RETREG3: variants seen among roughly 807,000 people sequenced by gnomAD.
RETREG3 encodes reticulophagy regulator 3.
In RETREG3, 23 loss-of-function variants were observed where a neutral mutation model predicts 50.2. The ratio of observed to expected loss-of-function variants is 0.46; its 90% CI spans 0.33 to 0.65. The LOEUF (loss-of-function observed/expected upper bound fraction) is 0.65. Ranked by LOEUF, RETREG3 falls within the 30% of genes least tolerant of loss-of-function variation. The pLI is 0.02. For synonymous variants in RETREG3, 240 were observed against 234.4 expected, an observed-to-expected ratio of 1.02 and a Z score of -0.22; for missense variants, 546 against 598.0, an observed-to-expected ratio of 0.91 and a Z score of 0.91.
In RETREG3 at chr17:42,587,867, A is replaced by G; in HGVS notation, c.347-3T>C. On this transcript the variant is annotated splice_region_variant and splice_polypyrimidine_tract_variant and intron_variant, in intron 2 of 8. Transcript: ENST00000309428. The stretch of plus-strand genomic sequence containing the variant: ...GTCTAATGCGTCGGGTCTTGGCACT[A>G]CAATATTAAAACAAACACCAGCATT... 1 of 1,614,180 alleles carries G rather than the reference A, an allele frequency of 6.2e-7. No individual in the cohort carries two copies.
At chr17:42,587,160 T>C (rs1047151287) in intron 3 of RETREG3, among the ~76,000 whole-genome samples, 1 of 152,212 alleles carries the variant, frequency 6.6e-6, no homozygotes, top group African/African-American at 2.4e-5. Flanking sequence ...TCCAAGGCCC[T>C]TTGTGCTTAG....
Position 42,582,042 on chromosome 17 carries a change from G to C in RETREG3, c.1172C>G (p.Ser391Cys). ...ELLLGALPVG[S>C]NLTSNLASLV... Reference sequence around the variant, plus strand: ...GCTGGCAAGGTTGCTGGTGAGGTTGGATCCTACAGGAAGAGCACCAAGCAG... The same window carrying C: ...GCTGGCAAGGTTGCTGGTGAGGTTGCATCCTACAGGAAGAGCACCAAGCAG... The change falls in exon 9 of 9, where the codon TCC becomes TGC. Residue 391 changes from serine to cysteine, a missense_variant. Ser to Cys is a moderately radical substitution (Grantham distance 112, BLOSUM62 -1). Transcript: ENST00000309428. 3.7e-6 allele frequency: 6 copies of C among 1,614,122 alleles called. No homozygotes were observed. The highest frequency in any genetic ancestry group is 5.1e-6 in the Non-Finnish European group (6 of 1,180,026).
chr17:42,607,499 CAA>C (rs34542887), intron 1 of RETREG3, among the ~76,000 whole-genome samples: 6 of 46,936 alleles, frequency 1.3e-4, no homozygotes, highest in African/African-American at 2.1e-4. Context: ...GACCTTGTCT[CAA>C]AAAAAAAAAA....
chr17:42,586,591 C>T (rs1221825915), intron 4 of RETREG3, among the ~76,000 whole-genome samples, 174 bp downstream of exon 4: 1 of 152,200 alleles, frequency 6.6e-6, no homozygotes, highest in East Asian at 1.9e-4. Flanking sequence ...CACCAAGCTC[C>T]TGTGTTAGTC....
chr17:42,590,091 C>G (rs1424866434), intron 2 of RETREG3, among the ~76,000 whole-genome samples: 4 of 152,180 alleles, frequency 2.6e-5, no homozygotes. Context: ...GTCGTCCCAG[C>G]TACTCAGGAG....
rs995722405 is a variant in RETREG3 at position 42,586,814 on chromosome 17, G to A, written c.455C>T (p.Thr152Ile). The change falls in exon 4 of 9, where the codon ACC becomes ATC. Residue 152 changes from threonine to isoleucine, a missense_variant. Transcript: ENST00000309428. ...HHVAEVWVSG[T>I]IFIRNVLLFK... Reference sequence around the variant, plus strand: ...AAGCAAAACATTCCTTATGAAAATGGTCCCACTAACCCAGACTTCAGCTAC... The same window carrying A: ...AAGCAAAACATTCCTTATGAAAATGATCCCACTAACCCAGACTTCAGCTAC... The A allele has an allele frequency of 8.1e-6, 13 of 1,614,006 alleles. No homozygotes were observed. Among genetic ancestry groups the A allele is most frequent in the African/African-American group, 8.0e-5 (6 of 74,920 alleles).
rs777873799 is a variant in RETREG3 at position 42,609,300 on chromosome 17, T to G, written c.25A>C (p.Thr9Pro). 1 of 1,601,642 alleles carries G rather than the reference T, an allele frequency of 6.2e-7. No individual in the cohort carries two copies. Residue 9 changes from threonine (T) to proline (P), a missense_variant, in exon 1 of 9, where the codon ACG (threonine) becomes CCG (proline). Thr to Pro is a conservative substitution (Grantham distance 38, BLOSUM62 -1). Transcript: ENST00000309428. ...GACCCCGAAGCCGGGCCTGGGGTCGTGGGAACCCCTTCGGCCTCAGCCATC... is the reference window on the plus strand; with the variant it reads ...GACCCCGAAGCCGGGCCTGGGGTCGGGGGAACCCCTTCGGCCTCAGCCATC... MAEAEGVP[T>P]TPGPASGSTF...
intron 3 of RETREG3, 126 bp downstream of exon 3, chr17:42,587,708 A>G (rs1011561901): frequency 3.5e-6 from 4 of 1,153,464 alleles, no homozygotes; most frequent in Non-Finnish European, 3.9e-6. Context: ...TAAAATGATC[A>G]TTTGGAACAG....
chr17:42,586,010 T>C (rs746407657), intron 5 of RETREG3, 43 bp downstream of exon 5: 15 of 1,583,094 alleles, frequency 9.5e-6, no homozygotes, highest in African/African-American at 1.3e-5. Context: ...TGGAAAGCTA[T>C]GAGCAGGGTA....
At chr17:42,599,584 G>A (rs2093154642) in intron 1 of RETREG3, among the ~76,000 whole-genome samples, 1 of 150,518 alleles carries the variant, frequency 6.6e-6, no homozygotes, top group Admixed American at 6.7e-5. Flanking sequence ...AACCCAGGAG[G>A]CAGAGGTTGC....
At chr17:42,597,178 G>T (rs994150381) in intron 1 of RETREG3, among the ~76,000 whole-genome samples, 1 of 149,030 alleles carries the variant, frequency 6.7e-6, no homozygotes, top group Admixed American at 6.8e-5. Context: ...CTGGCCAGAA[G>T]AATCTATTTT....
rs1354799732 is a variant in RETREG3 at position 42,579,835 on chromosome 17, G to C, written c.*1978C>G. 1.3e-5 allele frequency: 2 copies of C among 152,740 alleles called. No homozygotes were observed. The highest frequency in any genetic ancestry group is 4.8e-5 in the African/African-American group (2 of 41,388). 9.5% of individuals were successfully genotyped at this position (152,740 alleles called of 1,614,324 possible). A position where few individuals can be genotyped will look rare whatever the true frequency, so the allele number is the denominator to read the frequency against. ...ACCACCCCACTATGAGTGACTATGA[G>C]ACACCTAACTCTTCCCTCTTCTGTC... On this transcript the variant is annotated 3_prime_UTR_variant, in exon 9 of 9. Coordinates refer to ENST00000309428, the MANE Select transcript of RETREG3 (RefSeq NM_178126.4).
At chr17:42,597,084 G>A (rs1238482910) in intron 1 of RETREG3, among the ~76,000 whole-genome samples, 1 of 151,988 alleles carries the variant, frequency 6.6e-6, no homozygotes, top group African/African-American at 2.4e-5. Context: ...ATGTTGGCTA[G>A]GCTGGTCTCA....
intron 4 of RETREG3, 87 bp from the exon 5 acceptor site, chr17:42,586,224 A>C: frequency 8.0e-7 from 1 of 1,256,616 alleles, no homozygotes; most frequent in Non-Finnish European, 1.2e-6. Context: ...GATATGACAG[A>C]AAGACTCTGT....
chr17:42,593,173 T>G (rs1157694633), intron 1 of RETREG3, among the ~76,000 whole-genome samples: 16 of 152,146 alleles, frequency 1.1e-4, no homozygotes. Context: ...GATGTAAAAA[T>G]CTTCAATAAA....
In RETREG3 at chr17:42,582,208, T is replaced by C. The variant is rs1341311216; in HGVS notation, c.1006A>G (p.Ile336Val). The C allele has an allele frequency of 4.3e-6, 7 of 1,613,324 alleles. No homozygotes were observed. Among genetic ancestry groups the C allele is most frequent in the Non-Finnish European group, 5.9e-6 (7 of 1,180,020 alleles). The change falls in exon 9 of 9, where the codon ATT (isoleucine) becomes GTT (valine). Residue 336 changes from isoleucine to valine, a missense_variant. Physicochemically the swap from Ile to Val is conservative, Grantham distance 29 (BLOSUM62 3). Transcript: ENST00000309428. ...TCCAGGCCAGCAGGATCCATATTAA[T>C]GGAAGGGAAGTCTGGAAGGTCTCTG... ...FARDLPDFPS[I>V]NMDPAGLDDE...
chr17:42,605,990 C>CAAA (rs764477176), intron 1 of RETREG3, among the ~76,000 whole-genome samples: 8 of 65,046 alleles, frequency 1.2e-4, no homozygotes, highest in African/African-American at 2.0e-4. Context: ...GACTCCATCT[C>CAAA]AAAAAAAAAA....
At chr17:42,590,398 G>A (rs140615895) in intron 2 of RETREG3, among the ~76,000 whole-genome samples, 2 of 152,134 alleles carry the variant, frequency 1.3e-5, no homozygotes, top group East Asian at 1.9e-4. Context: ...AGGGCTGGGC[G>A]CGGTGACTCA....
Position 42,599,791 on chromosome 17 carries a change from G to A in RETREG3, c.240-7629C>T, listed in dbSNP as rs201202421. 1.6e-4 allele frequency among the ~76,000 whole-genome samples: 25 copies of A among 152,154 alleles called. No individual in the cohort carries two copies. The East Asian group carries it at 3.7e-3, about 22-fold the overall frequency. Reference sequence around the variant, plus strand: ...GTGGATCACCTGAGGTCAGGAGTTCGAGACAAGCCTGGCCAACATGGCGAA... The same window carrying A: ...GTGGATCACCTGAGGTCAGGAGTTCAAGACAAGCCTGGCCAACATGGCGAA... On this transcript the variant is annotated intron_variant, in intron 1 of 8. Coordinates refer to ENST00000309428, the MANE Select transcript of RETREG3 (RefSeq NM_178126.4).
Sources: allele counts gnomAD v4.1 joint callset (sites outside exome capture counted in the v4.1 genomes callset), GRCh38; gene constraint gnomAD v4.1.1; transcripts MANE v1.5; gene names NCBI Gene and HGNC (gene_info 2026-07-23, HGNC 2026-07-21).